Variants in UTP25 observed in about 807,000 individuals in gnomAD.
UTP25 encodes UTP25 small subunit processome component, also known as U3 small nucleolar RNA-associated protein 25 homolog.
In UTP25, 50 loss-of-function variants were observed where a neutral mutation model predicts 78.9. That is an observed-to-expected ratio of 0.63 (90% CI 0.50 to 0.80). The LOEUF is 0.80. Ranked by LOEUF, UTP25 falls within the 30% of genes least tolerant of loss-of-function variation. The probability of loss-of-function intolerance (pLI) is 0.00; values close to 1 mark genes in which losing one functional copy is unlikely to be tolerated. For synonymous variants in UTP25, 329 were observed against 336.5 expected, an observed-to-expected ratio of 0.98 and a Z score of 0.24; for missense variants, 846 against 911.3, an observed-to-expected ratio of 0.93 and a Z score of 0.92.
Position 209,855,621 on chromosome 1 carries a change from C to T in UTP25, c.*4174C>T, listed in dbSNP as rs2078269978. 1 of 152,442 alleles carries T rather than the reference C, an allele frequency of 6.6e-6. No individual in the cohort carries two copies. Among genetic ancestry groups the T allele is most frequent in the Non-Finnish European group, 1.5e-5 (1 of 68,220 alleles). 9.4% of individuals were successfully genotyped at this position (152,442 alleles called of 1,614,324 possible). ...CTCACTGCTGGAAGAAACACCTGCC[C>T]TTGCTTGTTCTCCTGATGGCCCCTC... On this transcript the variant is annotated 3_prime_UTR_variant, in exon 12 of 12. Coordinates refer to ENST00000491415, the MANE Select transcript of UTP25 (RefSeq NM_014388.7).
At chr1:209,834,641 G>A (rs890612348) in intron 4 of UTP25, among the ~76,000 whole-genome samples, 1 of 152,172 alleles carries the variant, frequency 6.6e-6, no homozygotes, top group African/African-American at 2.4e-5. Flanking sequence ...CAGTAAGCCT[G>A]GGAAGTATTT....
chr1:209,833,126 G>A, intron 3 of UTP25, 59 bp from the exon 4 acceptor site: 1 of 1,502,144 alleles, frequency 6.7e-7, no homozygotes, highest in Non-Finnish European at 9.0e-7. Flanking sequence ...AATAAATTTT[G>A]TCAACAGAAG....
rs980121852 is a variant in UTP25 at position 209,856,207 on chromosome 1, G to A, written c.*4760G>A. ...GCCTTATAGAGGGACTGTGTGAGAA[G>A]GGAAGAGACTGCTATTGTTTGCCCT... On this transcript the variant is annotated 3_prime_UTR_variant, in exon 12 of 12. Coordinates refer to ENST00000491415, the MANE Select transcript of UTP25 (RefSeq NM_014388.7). 1.3e-5 allele frequency: 2 copies of A among 152,240 alleles called. No individual in the cohort carries two copies. Among genetic ancestry groups the A allele is most frequent in the African/African-American group, 4.8e-5 (2 of 41,458 alleles). The allele number at this position is 152,240 out of a possible 1,614,324, so 9.4% of individuals were successfully genotyped here. A position where few individuals can be genotyped will look rare whatever the true frequency, so the allele number is the denominator to read the frequency against.
At chr1:209,832,292 G>C (rs1316431907) in intron 3 of UTP25, among the ~76,000 whole-genome samples, 1 of 151,980 alleles carries the variant, frequency 6.6e-6, no homozygotes, top group Admixed American at 6.6e-5. Flanking sequence ...ATATGAGTAT[G>C]TATATATATT....
intron 11 of UTP25, among the ~76,000 whole-genome samples, chr1:209,847,648 G>C (rs910538569): frequency 6.6e-6 from 1 of 152,174 alleles, no homozygotes; most frequent in Non-Finnish European, 1.5e-5. Context: ...ATTCAGTAAG[G>C]ATCATATATA....
intron 11 of UTP25, among the ~76,000 whole-genome samples, chr1:209,849,430 G>A (rs1190998750): frequency 6.6e-6 from 1 of 152,002 alleles, no homozygotes; most frequent in African/African-American, 2.4e-5. Context: ...GGGGTTTACT[G>A]CCCTTCCCTT....
chr1:209,828,159 C>T lies in UTP25; in HGVS notation c.96C>T (p.Pro32=), dbSNP rs754588184. 94 of 1,613,886 alleles carry T rather than the reference C, an allele frequency of 5.8e-5. 2 individuals carry two copies. In the South Asian group the frequency reaches 9.7e-4, roughly 17 times the overall value. The change falls in exon 1 of 12, where the codon CCC becomes CCT. Residue 32 remains proline, a synonymous_variant. Coordinates refer to ENST00000491415, the MANE Select transcript of UTP25 (RefSeq NM_014388.7). ...KHLRDFGEEH[P]FYDRVSRKEA... ...TTCGAGATTTCGGCGAGGAGCATCC[C>T]TTCTATGACAGGTCTGAAGGGGCGT...
chr1:209,842,322 C>T lies in UTP25; in HGVS notation c.1543C>T (p.Arg515Ter), dbSNP rs1275523934. The T allele has an allele frequency of 6.2e-6, 10 of 1,614,084 alleles. No homozygotes were observed. The highest frequency in any genetic ancestry group is 1.7e-5 in the Admixed American group (1 of 60,020). The change falls in exon 9 of 12, where the codon CGA (arginine) becomes TGA (stop). Residue 515 changes from arginine (R) to a stop codon, truncating the protein, a stop_gained. Coordinates refer to ENST00000491415, the MANE Select transcript of UTP25 (RefSeq NM_014388.7). LOFTEE classifies it high-confidence loss of function. Reference protein sequence around the residue: ...PLDSHGVDFSRVRMWSLNNWS... With the variant: ...PLDSHGVDFS ...GGACTCACATGGGGTAGACTTTTCT[C>T]GAGTGCGGATGTGGAGCCTCAATAA... is the stretch of plus-strand genomic sequence containing the variant.
At position 209,851,489 on chromosome 1, in the gene UTP25, T is replaced by C. The variant is rs1438397792; in HGVS notation, c.*42T>C. ...AAGTGGTATTTGGCATGATACATAA[T>C]GTTTGATTCTATGCCATTTGGACCC... is the stretch of plus-strand genomic sequence containing the variant. On this transcript the variant is annotated 3_prime_UTR_variant, in exon 12 of 12. Transcript: ENST00000491415. 5.1e-6 allele frequency: 8 copies of C among 1,553,798 alleles called. No homozygotes were observed. Among genetic ancestry groups the C allele is most frequent in the South Asian group, 1.2e-5 (1 of 80,242 alleles).
chr1:209,833,381 T>C (rs1226130607), intron 4 of UTP25, 23 bp downstream of exon 4: 4 of 1,502,406 alleles, frequency 2.7e-6, no homozygotes, highest in African/African-American at 2.8e-5. Context: ...TGTGTGTTAT[T>C]TGAATTCACC....
chr1:209,834,771 G>T (rs1225628731), intron 4 of UTP25, among the ~76,000 whole-genome samples: 1 of 152,182 alleles, frequency 6.6e-6, no homozygotes, highest in Non-Finnish European at 1.5e-5. Flanking sequence ...GAATTTGAGG[G>T]CCATATAGTC....
intron 1 of UTP25, among the ~76,000 whole-genome samples, 184 bp from the exon 2 acceptor site, chr1:209,829,920 TTTCA>T (rs1481925517): frequency 3.3e-5 from 5 of 152,344 alleles, no homozygotes; most frequent in Admixed American, 3.3e-4. Context: ...TCCTTAAACT[TTTCA>T]TTTGTCAGTT....
chr1:209,851,349 G>C lies in UTP25; in HGVS notation c.2173G>C (p.Asp725His). 6.2e-7 allele frequency: 1 copy of C among 1,614,200 alleles called. No individual in the cohort carries two copies. Among genetic ancestry groups the C allele is most frequent in the East Asian group, 2.2e-5 (1 of 44,892 alleles). Residue 725 changes from aspartate to histidine, a missense_variant, in exon 12 of 12, where the codon GAT becomes CAT. Asp to His is a moderately conservative substitution (Grantham distance 81). Transcript: ENST00000491415. Reference sequence around the variant, plus strand: ...CTGCACTGTTCTCTACTCCAAATATGATGCCCAGAGGTTAGCTGCCGTGGT... The same window carrying C: ...CTGCACTGTTCTCTACTCCAAATATCATGCCCAGAGGTTAGCTGCCGTGGT... ...WTCTVLYSKY[D>H]AQRLAAVVGV...
At chr1:209,848,868 C>T (rs900650539) in intron 11 of UTP25, among the ~76,000 whole-genome samples, 14 of 152,188 alleles carry the variant, frequency 9.2e-5, no homozygotes, top group Admixed American at 1.3e-4. Context: ...GCACCCCTTC[C>T]GTAGGCCACT....
At chr1:209,836,690 T>C (rs1210173032) in intron 5 of UTP25, 111 bp from the exon 6 acceptor site, 1 of 1,202,620 alleles carries the variant, frequency 8.3e-7, no homozygotes, top group African/African-American at 1.5e-5. Flanking sequence ...GTTGTGAGGA[T>C]TAAATGAGAT....
chr1:209,852,385 A>G lies in UTP25; in HGVS notation c.*938A>G, dbSNP rs2078246333. 6.6e-6 allele frequency: 1 copy of G among 152,196 alleles called. No homozygotes were observed. Among genetic ancestry groups the G allele is most frequent in the Non-Finnish European group, 1.5e-5 (1 of 68,030 alleles). The allele number at this position is 152,196 out of a possible 1,614,324, so 9.4% of individuals were successfully genotyped here. ...TTGTGATTAGGAATGCCCCACCAAT[A>G]AGGATAATGTGAATATTTCAGAATC... On this transcript the variant is annotated 3_prime_UTR_variant, in exon 12 of 12. Coordinates refer to ENST00000491415, the MANE Select transcript of UTP25 (RefSeq NM_014388.7).
intron 2 of UTP25, among the ~76,000 whole-genome samples, chr1:209,830,500 T>TG (rs1553250542): frequency 7.1e-6 from 1 of 141,110 alleles, no homozygotes; most frequent in Non-Finnish European, 1.5e-5. Flanking sequence ...TACAACAAAC[T>TG]AAAAAAAAAA....
chr1:209,839,652 C>A (rs2078155127), intron 7 of UTP25, among the ~76,000 whole-genome samples: 1 of 152,144 alleles, frequency 6.6e-6, no homozygotes, highest in African/African-American at 2.4e-5. Flanking sequence ...GTTGGTTATA[C>A]CTTTTATAGA....
In UTP25 at chr1:209,854,762, A is replaced by C. The variant is rs2078263632; in HGVS notation, c.*3315A>C. 1 of 152,316 alleles carries C rather than the reference A, an allele frequency of 6.6e-6. No homozygotes were observed. Among genetic ancestry groups the C allele is most frequent in the South Asian group, 2.1e-4 (1 of 4,830 alleles). 9.4% of individuals were successfully genotyped at this position (152,316 alleles called of 1,614,324 possible). A position where few individuals can be genotyped will look rare whatever the true frequency, so the allele number is the denominator to read the frequency against. On this transcript the variant is annotated 3_prime_UTR_variant, in exon 12 of 12. Transcript: ENST00000491415. ...AGTTGTCTGAAGAGCCTCATTGTCC[A>C]ACTGCAGGGGCCTGAGGTGCCCAAA...
Sources: gnomAD v4.1 joint callset for allele counts (sites outside exome capture counted in the v4.1 genomes callset) on GRCh38, gnomAD v4.1.1 for gene constraint, MANE v1.5 for transcripts, NCBI Gene and HGNC (gene_info 2026-07-23, HGNC 2026-07-21) for gene names.